ZPLD1: variants seen among roughly 807,000 people sequenced by gnomAD.
ZPLD1 encodes zona pellucida like domain containing 1, also known as zona pellucida-like domain-containing protein 1.
Under a neutral mutation model 47.2 loss-of-function variants are expected in ZPLD1, and 34 were observed. That is an observed-to-expected ratio of 0.72 (90% CI 0.55 to 0.96). The LOEUF is 0.96. Ranked by LOEUF, ZPLD1 falls within the 40% of genes least tolerant of loss-of-function variation. The pLI, the probability that ZPLD1 is intolerant of heterozygous loss-of-function variation, is 0.00. For missense variants in ZPLD1, 512 were observed against 505.8 expected, an observed-to-expected ratio of 1.01 and a Z score of -0.12; for synonymous variants, 176 against 186.2, an observed-to-expected ratio of 0.95 and a Z score of 0.45.
At position 102,464,344 on chromosome 3, in the gene ZPLD1, A is replaced by G. The variant is rs1049081684; in HGVS notation, c.761+93A>G. 1.3e-5 allele frequency: 11 copies of G among 865,068 alleles called. No individual in the cohort carries two copies. The African/African-American group carries it at 1.9e-4, about 15-fold the overall frequency. The allele number at this position is 865,068 out of a possible 1,614,324, so 53.6% of individuals were successfully genotyped here. A position where few individuals can be genotyped will look rare whatever the true frequency, so the allele number is the denominator to read the frequency against. ...ATCTAAGTCAGATAAATTATAAAGC[A>G]CTATTATAGCTTTTGAATTTCAAGT... On this transcript the variant is annotated intron_variant, in intron 8 of 11. Transcript: ENST00000466937.
chr3:102,438,840 T>G (rs924532637), intron 3 of ZPLD1, among the ~76,000 whole-genome samples: 2 of 152,186 alleles, frequency 1.3e-5, no homozygotes, highest in African/African-American at 4.8e-5. Context: ...TTGCCTACTG[T>G]GTAAAAAATT....
At chr3:102,457,473 T>C (rs1005542734) in intron 5 of ZPLD1, among the ~76,000 whole-genome samples, 3 of 152,338 alleles carry the variant, frequency 2.0e-5, no homozygotes, top group Middle Eastern at 3.4e-3. Context: ...TCTAATGGAA[T>C]TGATGAAAGT....
intron 6 of ZPLD1, among the ~76,000 whole-genome samples, chr3:102,391,948 A>T (rs945285445): frequency 4.6e-5 from 7 of 152,186 alleles, no homozygotes; most frequent in African/African-American, 1.2e-4. Context: ...GCTAAGAATA[A>T]GTTTTACATT....
At chr3:102,421,884 A>G (rs961500217) in intron 8 of ZPLD1, among the ~76,000 whole-genome samples, 1 of 151,802 alleles carries the variant, frequency 6.6e-6, no homozygotes, top group Non-Finnish European at 1.5e-5. Flanking sequence ...GTATAATTTC[A>G]AATCAATTTC....
chr3:102,432,991 C>T (rs546441112), upstream of ZPLD1, among the ~76,000 whole-genome samples: 11 of 152,298 alleles, frequency 7.2e-5, no homozygotes, highest in South Asian at 1.7e-3. Flanking sequence ...CTCCATAGCA[C>T]TTATCACAAA....
chr3:102,398,967 C>T (rs1309104641), intron 7 of ZPLD1, among the ~76,000 whole-genome samples: 1 of 152,004 alleles, frequency 6.6e-6, no homozygotes, highest in Non-Finnish European at 1.5e-5. Flanking sequence ...CAAAAGGATA[C>T]AAGATGGAAC....
intron 6 of ZPLD1, among the ~76,000 whole-genome samples, chr3:102,391,747 C>T (rs370511868): frequency 6.6e-5 from 10 of 151,810 alleles, no homozygotes; most frequent in South Asian, 4.2e-4. Flanking sequence ...TGCAGATTTG[C>T]GAGCAAAATA....
chr3:102,458,970 G>GT (rs1156605437), intron 6 of ZPLD1, among the ~76,000 whole-genome samples: 1 of 151,486 alleles, frequency 6.6e-6, no homozygotes, highest in Non-Finnish European at 1.5e-5. Flanking sequence ...GGCACCTGTA[G>GT]TCCCAGCTAC....
intron 7 of ZPLD1, among the ~76,000 whole-genome samples, chr3:102,410,196 A>ATTGT (rs778884992): frequency 2.6e-4 from 39 of 151,750 alleles, no homozygotes; most frequent in Non-Finnish European, 4.3e-4. Flanking sequence ...ATGTGGAACT[A>ATTGT]TTGCTGCAAA....
At chr3:102,474,204 A>G (rs936056156) in intron 10 of ZPLD1, among the ~76,000 whole-genome samples, 6 of 152,212 alleles carry the variant, frequency 3.9e-5, no homozygotes, top group African/African-American at 1.4e-4. Flanking sequence ...AAAACTTCAA[A>G]ATGCTGAAAG....
chr3:102,386,315 G>A (rs1331985178), intron 6 of ZPLD1, among the ~76,000 whole-genome samples: 2 of 150,010 alleles, frequency 1.3e-5, no homozygotes, highest in East Asian at 1.9e-4. Context: ...CCAAATACAG[G>A]TGGCTCTGTT....
intron 3 of ZPLD1, among the ~76,000 whole-genome samples, chr3:102,450,055 G>A (rs1707313390): frequency 6.6e-6 from 1 of 152,160 alleles, no homozygotes; most frequent in African/African-American, 2.4e-5. Flanking sequence ...CAATACGACA[G>A]CATAAAACAG....
At chr3:102,414,662 G>A (rs1329227097) in intron 7 of ZPLD1, among the ~76,000 whole-genome samples, 1 of 151,536 alleles carries the variant, frequency 6.6e-6, no homozygotes, top group South Asian at 2.1e-4. Context: ...AAATAACTGC[G>A]AAGAAATTAT....
chr3:102,387,332 TATATAGTTTTCACATTCATCTGACTA>T (rs1246904280), intron 6 of ZPLD1, among the ~76,000 whole-genome samples: 2 of 152,252 alleles, frequency 1.3e-5, no homozygotes, highest in East Asian at 3.8e-4. Context: ...TGATAGCTAA[TATATAGTTTTCACATTCATCTGACTA>T]TAGAGAATTA....
chr3:102,402,096 T>A (rs1204762716), intron 7 of ZPLD1, among the ~76,000 whole-genome samples: 1 of 152,072 alleles, frequency 6.6e-6, no homozygotes, highest in Non-Finnish European at 1.5e-5. Flanking sequence ...TATGTATTTT[T>A]AAAAATGCCT....
intron 8 of ZPLD1, among the ~76,000 whole-genome samples, chr3:102,428,505 A>T (rs1706977371): frequency 6.6e-6 from 1 of 152,028 alleles, no homozygotes; most frequent in Non-Finnish European, 1.5e-5. Context: ...TTCAATAATA[A>T]TTTTTAAGTG....
Position 102,453,088 on chromosome 3 carries a change from C to T in ZPLD1, c.276C>T (p.Val92=). 4 of 1,613,960 alleles carry T rather than the reference C, an allele frequency of 2.5e-6. No homozygotes were observed. Among genetic ancestry groups the T allele is most frequent in the Non-Finnish European group, 3.4e-6 (4 of 1,179,960 alleles). ...FINNNTFPAV[V]IFIINLSTLE... The stretch of plus-strand genomic sequence containing the variant: ...ATAACAACACCTTTCCAGCAGTGGT[C>T]ATTTTTATCATCAATCTCAGCACCT... The change falls in exon 4 of 12, where the codon GTC becomes GTT. Residue 92 remains valine, a synonymous_variant. Coordinates refer to ENST00000466937, the MANE Select transcript of ZPLD1 (RefSeq NM_001329788.2).
chr3:102,410,693 A>C (rs1706739526), intron 7 of ZPLD1, among the ~76,000 whole-genome samples: 1 of 151,698 alleles, frequency 6.6e-6, no homozygotes, highest in Non-Finnish European at 1.5e-5. Flanking sequence ...TCCCCCCTCT[A>C]TTAAGAATTC....
At chr3:102,453,336 T>C (rs1707368173) in intron 4 of ZPLD1, among the ~76,000 whole-genome samples, 197 bp downstream of exon 4, 1 of 152,228 alleles carries the variant, frequency 6.6e-6, no homozygotes, top group South Asian at 2.1e-4. Context: ...TTTATAGTAG[T>C]GGGGCAGTCA....
Sources: allele counts gnomAD v4.1 joint callset (sites outside exome capture counted in the v4.1 genomes callset), GRCh38; gene constraint gnomAD v4.1.1; transcripts MANE v1.5; gene names NCBI Gene and HGNC (gene_info 2026-07-23, HGNC 2026-07-21).